The following GVQW3 variants were observed in gnomAD, a reference collection of about 807,000 sequenced individuals.
GVQW3 encodes the protein GVQW motif containing 3, also known as protein GVQW3.
GVQW3 carries 7 observed loss-of-function variants against 12.5 expected under a neutral mutation model. The ratio of observed to expected loss-of-function variants is 0.56; its 90% CI spans 0.32 to 1.05. The LOEUF (loss-of-function observed/expected upper bound fraction) is 1.05. GVQW3 is among the 50% of genes least tolerant of loss of function. The pLI, the probability that GVQW3 is intolerant of heterozygous loss-of-function variation, is 0.04. For synonymous variants in GVQW3, 71 were observed against 67.2 expected (o/e 1.06, Z -0.28); for missense variants, 188 against 190.8 (o/e 0.99, Z 0.09).
At chr11:76,413,089 A>G (rs927129846), downstream of GVQW3, 4 of 152,240 alleles carry the variant, frequency 2.6e-5, no homozygotes, top group African/African-American at 9.6e-5. Flanking sequence ...CTTCAAGAAG[A>G]GAAAGAGGAA....
chr11:76,409,045 G>A (rs1171593588), downstream of GVQW3, among the ~76,000 whole-genome samples: 1 of 152,148 alleles, frequency 6.6e-6, no homozygotes, highest in Non-Finnish European at 1.5e-5. Context: ...CTATGCTTCA[G>A]GCATTTCCCA....
In GVQW3 at chr11:76,400,257, C is replaced by T. The variant is rs963189971; in HGVS notation, c.466-3403C>T. ...CCTCCCAAGTAGCTGGGATTACGGG[C>T]GCCTGCCACCACACCCAGCTAATTT... On this transcript the variant is annotated intron_variant, in intron 1 of 1. Transcript: ENST00000529331. Among the ~76,000 whole-genome samples the T allele has an allele frequency of 3.3e-4, 50 of 151,770 alleles. 1 individual carries two copies. The highest frequency in any genetic ancestry group is 5.4e-4 in the Non-Finnish European group (37 of 67,918).
At chr11:76,389,213 G>T (rs1330737850) in intron 1 of GVQW3, among the ~76,000 whole-genome samples, 1 of 152,186 alleles carries the variant, frequency 6.6e-6, no homozygotes, top group Non-Finnish European at 1.5e-5. Context: ...ATACAAAATT[G>T]TATGTATAAA....
At chr11:76,412,175 A>G (rs1440636746), downstream of GVQW3, 3 of 152,242 alleles carry the variant, frequency 2.0e-5, no homozygotes, top group Non-Finnish European at 2.9e-5. Flanking sequence ...GTTGGATAAG[A>G]CATGTTTCTT....
In GVQW3 at chr11:76,404,979, T is replaced by C. The variant is rs1043973594; in HGVS notation, c.*1221T>C. 1 of 152,244 alleles carries C rather than the reference T, an allele frequency of 6.6e-6. No homozygotes were observed. Among genetic ancestry groups the C allele is most frequent in the Middle Eastern group, 3.2e-3 (1 of 316 alleles). The allele number at this position is 152,244 out of a possible 1,614,324, so 9.4% of individuals were successfully genotyped here. A position where few individuals can be genotyped will look rare whatever the true frequency, so the allele number is the denominator to read the frequency against. On this transcript the variant is annotated 3_prime_UTR_variant, in exon 2 of 2. Transcript: ENST00000529331. Reference sequence around the variant, plus strand: ...GAGCATTGTTTATGTGTGGACACTTTTTATGCATGTATATTGGAATATTTT... The same window carrying C: ...GAGCATTGTTTATGTGTGGACACTTCTTATGCATGTATATTGGAATATTTT...
At chr11:76,396,295 T>TATC (rs925422738) in intron 1 of GVQW3, among the ~76,000 whole-genome samples, 23 of 151,574 alleles carry the variant, frequency 1.5e-4, no homozygotes, top group South Asian at 6.2e-4. Context: ...GTGCTGCTAT[T>TATC]ATTATTATTA....
In GVQW3 at chr11:76,382,446, G is replaced by A. The variant is rs537973007; in HGVS notation, c.465+153G>A. 20 of 684,490 alleles carry A rather than the reference G, an allele frequency of 2.9e-5. No homozygotes were observed. The East Asian group carries it at 4.9e-4, about 17-fold the overall frequency. The allele number at this position is 684,490 out of a possible 1,614,324, so 42.4% of individuals were successfully genotyped here. The stretch of plus-strand genomic sequence containing the variant: ...TTCCCCCCAGGGTAGCTGAGAATTG[G>A]TTCACCCCATGGTGAGAGGAATGTG... On this transcript the variant is annotated intron_variant, in intron 1 of 1. Transcript: ENST00000529331.
rs769211485 is a variant in GVQW3, at chr11:76,406,964, C to G, written c.*3206C>G. Reference sequence around the variant, plus strand: ...CGGAGCTTGCAGTGAGCCAAGGTCACACCACTGCACTCCAGCCTGGGCTAC... The same window carrying G: ...CGGAGCTTGCAGTGAGCCAAGGTCAGACCACTGCACTCCAGCCTGGGCTAC... On this transcript the variant is annotated 3_prime_UTR_variant, in exon 2 of 2. Coordinates refer to ENST00000529331, the MANE Select transcript of GVQW3 (RefSeq NM_001347885.2). 5 of 152,058 alleles carry G rather than the reference C, an allele frequency of 3.3e-5. No homozygotes were observed. The highest frequency in any genetic ancestry group is 7.3e-5 in the Non-Finnish European group (5 of 68,044). The allele number at this position is 152,058 out of a possible 1,614,324, so 9.4% of individuals were successfully genotyped here.
Position 76,392,560 on chromosome 11 carries a change from G to A in GVQW3, c.465+10267G>A, listed in dbSNP as rs564423008. The A allele has an allele frequency of 2.6e-5, 4 of 152,158 alleles. No homozygotes were observed. The South Asian group carries it at 6.2e-4, about 24-fold the overall frequency. 9.4% of individuals were successfully genotyped at this position (152,158 alleles called of 1,614,324 possible). A position where few individuals can be genotyped will look rare whatever the true frequency, so the allele number is the denominator to read the frequency against. ...GTGAGTTTTTTTCTATTACTCCATC[G>A]GTAATTATTTCCTTTACTAAAATGT... On this transcript the variant is annotated intron_variant, in intron 1 of 1. Coordinates refer to ENST00000529331, the MANE Select transcript of GVQW3 (RefSeq NM_001347885.2).
rs543404978 is a variant in GVQW3, at chr11:76,388,373, TC to T, written c.465+6081del. 1.2e-3 allele frequency among the ~76,000 whole-genome samples: 176 copies of T among 152,354 alleles called. 2 individuals carry two copies. Among genetic ancestry groups the T allele is most frequent in the African/African-American group, 3.8e-3 (159 of 41,582 alleles). ...CTGTCCTTTTAGGTAAGTGTATTTG[TC>T]TTTTCCCCTAGAGAGCTCTTTATTG... On this transcript the variant is annotated intron_variant, in intron 1 of 1. Coordinates refer to ENST00000529331, the MANE Select transcript of GVQW3 (RefSeq NM_001347885.2).
intron 1 of GVQW3, among the ~76,000 whole-genome samples, chr11:76,393,158 T>TA (rs1357360155): frequency 3.9e-5 from 6 of 152,136 alleles, no homozygotes; most frequent in Non-Finnish European, 7.4e-5. Flanking sequence ...ATGCATAAAT[T>TA]AAAAAATTAA....
In GVQW3 at chr11:76,403,980, C is replaced by A; in HGVS notation, c.*222C>A. Reference sequence around the variant, plus strand: ...TAGGGAGGGCTGCCTCTTCATTACTCGGTCTACCAATTCAAATGCTAATCT... The same window carrying A: ...TAGGGAGGGCTGCCTCTTCATTACTAGGTCTACCAATTCAAATGCTAATCT... On this transcript the variant is annotated 3_prime_UTR_variant, in exon 2 of 2. Transcript: ENST00000529331. 1 of 680,826 alleles carries A rather than the reference C, an allele frequency of 1.5e-6. No homozygotes were observed. The highest frequency in any genetic ancestry group is 2.7e-6 in the Non-Finnish European group (1 of 371,118). The allele number at this position is 680,826 out of a possible 1,614,324, so 42.2% of individuals were successfully genotyped here.
At chr11:76,385,622 T>C (rs1433414146) in intron 1 of GVQW3, among the ~76,000 whole-genome samples, 1 of 152,204 alleles carries the variant, frequency 6.6e-6, no homozygotes, top group African/African-American at 2.4e-5. Flanking sequence ...GTCATGGTTT[T>C]CCACTTAACT....
intron 1 of GVQW3, among the ~76,000 whole-genome samples, chr11:76,403,268 G>A (rs931697653): frequency 1.3e-5 from 2 of 152,102 alleles, no homozygotes; most frequent in African/African-American, 4.8e-5. Context: ...ATTATCTCCT[G>A]TATTAGTCAA....
chr11:76,398,664 T>A (rs113998832), intron 1 of GVQW3, among the ~76,000 whole-genome samples: 1,858 of 152,298 alleles, frequency 0.012, 46 homozygotes, highest in African/African-American at 0.042. Flanking sequence ...TCTTGCTATG[T>A]TGGCCAGGTT....
chr11:76,413,059 T>C (rs890194438), downstream of GVQW3: 9 of 152,224 alleles, frequency 5.9e-5, no homozygotes, highest in African/African-American at 2.2e-4. Flanking sequence ...GTGCAAATAA[T>C]ACAGTGTTAA....
intron 1 of GVQW3, among the ~76,000 whole-genome samples, chr11:76,401,027 TTA>T (rs1388414449): frequency 6.7e-6 from 1 of 150,216 alleles, no homozygotes; most frequent in African/African-American, 2.4e-5. Context: ...GCTTCTATTT[TTA>T]TATATATATA....
intron 1 of GVQW3, among the ~76,000 whole-genome samples, chr11:76,393,107 A>G (rs1380994837): frequency 6.6e-6 from 1 of 152,272 alleles, no homozygotes; most frequent in Non-Finnish European, 1.5e-5. Flanking sequence ...TATTTCAAAC[A>G]TGAAAACAAG....
intron 1 of GVQW3, among the ~76,000 whole-genome samples, chr11:76,391,666 C>T (rs1406340167): frequency 1.3e-5 from 2 of 152,264 alleles, no homozygotes; most frequent in South Asian, 4.1e-4. Context: ...CAAAAACATC[C>T]AGCCAGGCTG....
Sources: allele counts gnomAD v4.1 joint callset (sites outside exome capture counted in the v4.1 genomes callset), GRCh38; gene constraint gnomAD v4.1.1; transcripts MANE v1.5; gene names NCBI Gene and HGNC (gene_info 2026-07-23, HGNC 2026-07-21).